The following ARSG variants were observed in gnomAD, a reference collection of about 807,000 sequenced individuals.
ARSG encodes the protein arylsulfatase G.
In ARSG, 37 loss-of-function variants were observed where a neutral mutation model predicts 50.5. That is an observed-to-expected ratio of 0.73 (90% confidence interval 0.56 to 0.96). ARSG has a LOEUF of 0.96. Ranked by LOEUF, ARSG falls within the 50% of genes least tolerant of loss-of-function variation. The probability of loss-of-function intolerance (pLI) is 0.00; values close to 1 mark genes in which losing one functional copy is unlikely to be tolerated. For missense variants in ARSG, 629 were observed against 675.3 expected (o/e 0.93, Z 0.76); for synonymous variants, 225 against 254.6 (o/e 0.88, Z 1.11).
Position 68,346,871 on chromosome 17 carries a change from C to T in ARSG, c.407-254C>T, listed in dbSNP as rs2078528430. 7 of 1,427,326 alleles carry T rather than the reference C, an allele frequency of 4.9e-6. No individual in the cohort carries two copies. In the South Asian group the frequency reaches 6.1e-5, roughly 12 times the overall value. The allele number at this position is 1,427,326 out of a possible 1,614,324, so 88.4% of individuals were successfully genotyped here. A position where few individuals can be genotyped will look rare whatever the true frequency, so the allele number is the denominator to read the frequency against. On this transcript the variant is annotated intron_variant, in intron 3 of 11. Coordinates refer to ENST00000621439, the MANE Select transcript of ARSG (RefSeq NM_001267727.2). ...GCAGAGGCTCAGGCTTCTCCGGGCT[C>T]CTGGTGATGGGCTGTCTTCCCCTTT...
chr17:68,304,772 C>T (rs561034083), intron 1 of ARSG, among the ~76,000 whole-genome samples: 5 of 152,328 alleles, frequency 3.3e-5, no homozygotes, highest in Non-Finnish European at 7.3e-5. Flanking sequence ...TCAAGTAATC[C>T]TTCCGCCTCG....
In ARSG at chr17:68,370,436, GTT is replaced by G. The variant is rs2079777336; in HGVS notation, c.902-6_902-5del. On this transcript the variant is annotated splice_region_variant and splice_polypyrimidine_tract_variant and intron_variant, in intron 7 of 11. Coordinates refer to ENST00000621439, the MANE Select transcript of ARSG (RefSeq NM_001267727.2). ...CTGGTGACCATTAATGCTTTTTCTG[GTT>G]TCTAGGAGACAATGGCCCGTGGGCT... 6.2e-7 allele frequency: 1 copy of G among 1,613,792 alleles called. No homozygotes were observed. The highest frequency in any genetic ancestry group is 1.1e-5 in the South Asian group (1 of 91,054).
chr17:68,305,007 G>A (rs1315065440), intron 1 of ARSG, among the ~76,000 whole-genome samples: 1 of 152,074 alleles, frequency 6.6e-6, no homozygotes, highest in Non-Finnish European at 1.5e-5. Flanking sequence ...GATCCAGTCT[G>A]TACAAAAAGT....
At chr17:68,445,843 C>T in the ARSG span, among the ~76,000 whole-genome samples, 2 of 152,218 alleles carry the variant, frequency 1.3e-5, no homozygotes, top group Non-Finnish European at 2.9e-5. Context: ...TGACTTGGCT[C>T]CCCTCAGGCC....
downstream of ARSG, among the ~76,000 whole-genome samples, chr17:68,422,903 G>C (rs998276232): frequency 6.6e-6 from 1 of 152,106 alleles, no homozygotes; most frequent in Non-Finnish European, 1.5e-5. Flanking sequence ...AGCTTTCTAA[G>C]GCACCAGAAA....
chr17:68,437,154 C>T, the ARSG span, among the ~76,000 whole-genome samples: 76 of 152,080 alleles, frequency 5.0e-4, no homozygotes, highest in African/African-American at 1.8e-3. Context: ...ATAAATCTTC[C>T]TATAGTGAAA....
chr17:68,397,600 G>A (rs1170209539), intron 10 of ARSG, among the ~76,000 whole-genome samples: 1 of 151,990 alleles, frequency 6.6e-6, no homozygotes, highest in South Asian at 2.1e-4. Flanking sequence ...TATGGGGGAG[G>A]CTTGAAGGTA....
At chr17:68,428,777 C>T in the ARSG span, 1 of 1,435,554 alleles carries the variant, frequency 7.0e-7, no homozygotes, top group Non-Finnish European at 9.8e-7. Flanking sequence ...GAAGGGACAA[C>T]TCTACACGAC....
chr17:68,294,301 A>C (rs782222487), intron 1 of ARSG, among the ~76,000 whole-genome samples: 5 of 152,218 alleles, frequency 3.3e-5, no homozygotes, highest in Non-Finnish European at 5.9e-5. Flanking sequence ...GCCCTCTTGC[A>C]TAGGGTCATT....
At chr17:68,433,369 T>C in the ARSG span, 3 of 1,116,036 alleles carry the variant, frequency 2.7e-6, no homozygotes, top group East Asian at 4.8e-5. Context: ...AAGCCAAGAT[T>C]GGGTGTTCAG....
At chr17:68,394,970 C>T (rs1268253475) in intron 9 of ARSG, 103 bp from the exon 10 acceptor site, 7 of 1,526,412 alleles carry the variant, frequency 4.6e-6, no homozygotes, top group Non-Finnish European at 5.4e-6. Flanking sequence ...ATAGGAGAGG[C>T]TGTGGGTGCT....
chr17:68,388,944 A>AAT (rs1491203982), intron 9 of ARSG, among the ~76,000 whole-genome samples: 108 of 146,188 alleles, frequency 7.4e-4, no homozygotes, highest in South Asian at 2.4e-3. Context: ...AAAAAAAAAA[A>AAT]AGAAAAACAG....
upstream of ARSG, among the ~76,000 whole-genome samples, chr17:68,288,104 C>G (rs1555754803): frequency 6.6e-6 from 1 of 151,492 alleles, no homozygotes; most frequent in East Asian, 1.9e-4. Flanking sequence ...TCAAGCGACT[C>G]TCCTGCCTCA....
chr17:68,306,558 A>G (rs532115094), intron 1 of ARSG, among the ~76,000 whole-genome samples: 3 of 152,330 alleles, frequency 2.0e-5, no homozygotes, highest in South Asian at 4.1e-4. Flanking sequence ...ACATTAGGTT[A>G]TAGCTTGACT....
the ARSG span, among the ~76,000 whole-genome samples, chr17:68,432,848 C>T: frequency 6.6e-6 from 1 of 152,208 alleles, no homozygotes; most frequent in Non-Finnish European, 1.5e-5. Flanking sequence ...GCTCCTTTCT[C>T]ACTCCTCCAT....
chr17:68,443,122 G>GT, the ARSG span, among the ~76,000 whole-genome samples: 9 of 151,990 alleles, frequency 5.9e-5, no homozygotes, highest in Non-Finnish European at 1.3e-4. Context: ...TTTATTCATT[G>GT]TTTTTTGAGA....
chr17:68,349,743 C>T (rs1434220815), intron 4 of ARSG, among the ~76,000 whole-genome samples: 2 of 151,988 alleles, frequency 1.3e-5, no homozygotes, highest in African/African-American at 2.4e-5. Flanking sequence ...ATTAGCTGGG[C>T]GTGGTGACAG....
chr17:68,380,352 C>G (rs2080372912), intron 8 of ARSG, among the ~76,000 whole-genome samples: 1 of 152,006 alleles, frequency 6.6e-6, no homozygotes, highest in South Asian at 2.1e-4. Flanking sequence ...AGCGATCATC[C>G]CACCTCAGCC....
At chr17:68,312,064 T>C (rs2076881174) in intron 2 of ARSG, among the ~76,000 whole-genome samples, 1 of 152,164 alleles carries the variant, frequency 6.6e-6, no homozygotes, top group South Asian at 2.1e-4. Flanking sequence ...CCTCCCAAAG[T>C]GCTGCGATTA....
Sources: gnomAD v4.1 joint callset for allele counts (sites outside exome capture counted in the v4.1 genomes callset) on GRCh38, gnomAD v4.1.1 for gene constraint, MANE v1.5 for transcripts, NCBI Gene and HGNC (gene_info 2026-07-23, HGNC 2026-07-21) for gene names.